C1QTNF3: variants seen among roughly 807,000 people sequenced by gnomAD.
C1QTNF3 encodes complement C1q tumor necrosis factor-related protein 3.
Under a neutral mutation model 32.6 loss-of-function variants are expected in C1QTNF3, and 26 were observed. The observed-to-expected ratio is 0.80, with a 90% CI of 0.58 to 1.11. C1QTNF3 has a LOEUF of 1.11. Ranked by LOEUF, C1QTNF3 falls within the 50% of genes least tolerant of loss-of-function variation. C1QTNF3 has a pLI of 0.00. For synonymous variants in C1QTNF3, 155 were observed against 146.0 expected, an observed-to-expected ratio of 1.06 and a Z score of -0.44; for missense variants, 362 against 398.2, an observed-to-expected ratio of 0.91 and a Z score of 0.77.
upstream of C1QTNF3, among the ~76,000 whole-genome samples, chr5:34,046,166 C>T (rs1310562299): frequency 1.3e-5 from 2 of 152,216 alleles, no homozygotes; most frequent in Admixed American, 6.5e-5. Context: ...AATTGTACAA[C>T]TGTAACCAAT....
chr5:34,162,718 A>T, the C1QTNF3 span, among the ~76,000 whole-genome samples: 4 of 152,208 alleles, frequency 2.6e-5, no homozygotes, highest in Admixed American at 2.6e-4. Flanking sequence ...TTATCTGAGC[A>T]GGGTAAGCTA....
chr5:34,112,217 C>G, the C1QTNF3 span, among the ~76,000 whole-genome samples: 1 of 152,090 alleles, frequency 6.6e-6, no homozygotes, highest in Non-Finnish European at 1.5e-5. Flanking sequence ...CATGGACAGA[C>G]AGAGATTTTA....
At chr5:34,215,427 T>C in the C1QTNF3 span, among the ~76,000 whole-genome samples, 4 of 152,136 alleles carry the variant, frequency 2.6e-5, no homozygotes, top group African/African-American at 9.6e-5. Context: ...GCTTTCCACC[T>C]CCCTGTCAAA....
At chr5:34,045,014 G>A (rs973224454), upstream of C1QTNF3, among the ~76,000 whole-genome samples, 2 of 152,150 alleles carry the variant, frequency 1.3e-5, no homozygotes, top group Non-Finnish European at 2.9e-5. Flanking sequence ...TTTTGCTGTG[G>A]GAAGGAAAGC....
the C1QTNF3 span, among the ~76,000 whole-genome samples, chr5:34,072,828 C>T: frequency 3.9e-5 from 6 of 151,996 alleles, no homozygotes; most frequent in Non-Finnish European, 8.8e-5. Flanking sequence ...GTTTATTTTT[C>T]ATGTCATAAA....
chr5:34,195,885 G>T, the C1QTNF3 span, among the ~76,000 whole-genome samples: 3 of 152,372 alleles, frequency 2.0e-5, no homozygotes, highest in Non-Finnish European at 4.4e-5. Context: ...AACCCCCAAG[G>T]TGAGGATACT....
the C1QTNF3 span, among the ~76,000 whole-genome samples, chr5:34,174,065 A>G: frequency 6.6e-6 from 1 of 152,166 alleles, no homozygotes; most frequent in African/African-American, 2.4e-5. Flanking sequence ...CAGGTTTACA[A>G]AACATATCTT....
At chr5:34,066,568 C>T in the C1QTNF3 span, among the ~76,000 whole-genome samples, 3 of 151,640 alleles carry the variant, frequency 2.0e-5, no homozygotes, top group Non-Finnish European at 2.9e-5. Context: ...TTACAGATGG[C>T]AGTAAGAAAA....
the C1QTNF3 span, among the ~76,000 whole-genome samples, chr5:34,205,614 G>C: frequency 1.3e-5 from 2 of 151,962 alleles, no homozygotes; most frequent in African/African-American, 4.8e-5. Context: ...CCCCATCCTT[G>C]CTTCCTGTAC....
In C1QTNF3 at chr5:34,033,328, G is replaced by A; in HGVS notation, c.546C>T (p.Tyr182=). Residue 182 remains tyrosine (Y), a synonymous_variant, in exon 3 of 6, where the codon TAC becomes TAT. Coordinates refer to ENST00000382065, the MANE Select transcript of C1QTNF3 (RefSeq NM_181435.6). The part of the protein sequence containing the change: ...GQHGPKGEKG[Y]PGIPPELQIA... ...CCTGAAGTTCTGGTGGAATCCCCGG[G>A]TAGCCCTTCTCTCCTTTGGGGCCAT... The A allele has an allele frequency of 6.2e-7, 1 of 1,613,718 alleles. No homozygotes were observed. The highest frequency in any genetic ancestry group is 8.5e-7 in the Non-Finnish European group (1 of 1,179,844).
the C1QTNF3 span, among the ~76,000 whole-genome samples, chr5:34,138,907 T>C: frequency 1.3e-5 from 2 of 152,020 alleles, no homozygotes; most frequent in East Asian, 1.9e-4. Context: ...GACAAAAGGT[T>C]CAGAAAATTA....
At chr5:34,033,922 G>A (rs1394001193) in intron 2 of C1QTNF3, among the ~76,000 whole-genome samples, 1 of 152,210 alleles carries the variant, frequency 6.6e-6, no homozygotes, top group African/African-American at 2.4e-5. Context: ...AACACTTTGC[G>A]AAGCCACAGT....
intron 5 of C1QTNF3, among the ~76,000 whole-genome samples, chr5:34,023,184 C>T (rs1579597231): frequency 2.0e-5 from 3 of 152,148 alleles, no homozygotes; most frequent in Non-Finnish European, 2.9e-5. Context: ...AGCAGAGCTG[C>T]TTTCATCAGC....
chr5:34,132,174 G>C, the C1QTNF3 span, among the ~76,000 whole-genome samples: 24 of 151,988 alleles, frequency 1.6e-4, no homozygotes, highest in Non-Finnish European at 2.9e-4. Flanking sequence ...ATCACCTGAG[G>C]TCAGGAGTTG....
the C1QTNF3 span, among the ~76,000 whole-genome samples, chr5:34,049,594 G>T: frequency 1.1e-4 from 17 of 152,322 alleles, no homozygotes; most frequent in South Asian, 3.5e-3. Context: ...CAAGACAAGG[G>T]TTTTCTTGAA....
the C1QTNF3 span, among the ~76,000 whole-genome samples, chr5:34,135,249 G>A: frequency 3.3e-5 from 5 of 152,292 alleles, no homozygotes; most frequent in East Asian, 1.9e-4. Flanking sequence ...AACCAGCCTT[G>A]CATCCCAGCG....
At chr5:34,229,070 A>C in the C1QTNF3 span, among the ~76,000 whole-genome samples, 2 of 152,106 alleles carry the variant, frequency 1.3e-5, no homozygotes, top group Admixed American at 1.3e-4. Context: ...GATAAATAGA[A>C]ATCTTAAATC....
At chr5:34,065,147 C>A in the C1QTNF3 span, among the ~76,000 whole-genome samples, 1 of 151,990 alleles carries the variant, frequency 6.6e-6, no homozygotes, top group African/African-American at 2.4e-5. Flanking sequence ...CTGCACCCAA[C>A]GAAGGACTAA....
the C1QTNF3 span, chr5:34,124,154 T>C: frequency 5.6e-6 from 2 of 355,516 alleles, no homozygotes; most frequent in African/African-American, 4.3e-5. Flanking sequence ...CCCACACAGA[T>C]ACTGAAATGT....
Sources: gnomAD v4.1 joint callset for allele counts (sites outside exome capture counted in the v4.1 genomes callset) on GRCh38, gnomAD v4.1.1 for gene constraint, MANE v1.5 for transcripts, NCBI Gene and HGNC (gene_info 2026-07-23, HGNC 2026-07-21) for gene names.